Variants in HS6ST3 observed in about 807,000 individuals in gnomAD.
The protein encoded by HS6ST3 is heparan-sulfate 6-O-sulfotransferase 3.
Under a neutral mutation model 36.7 loss-of-function variants are expected in HS6ST3, and 12 were observed. The ratio of observed to expected loss-of-function variants is 0.33; its 90% CI spans 0.21 to 0.53. The LOEUF is 0.53. Ranked by LOEUF, HS6ST3 falls within the 20% of genes least tolerant of loss-of-function variation. HS6ST3 has a pLI of 0.95. For missense variants in HS6ST3, 584 were observed against 640.9 expected (o/e 0.91, Z 0.96); for synonymous variants, 240 against 257.5 (o/e 0.93, Z 0.65).
chr13:96,270,753 G>GA (rs1282417161), intron 1 of HS6ST3, among the ~76,000 whole-genome samples: 3 of 151,728 alleles, frequency 2.0e-5, no homozygotes, highest in Non-Finnish European at 4.4e-5. Flanking sequence ...TGGAGACTGG[G>GA]AAAAAAAAGG....
Position 96,090,815 on chromosome 13 carries a change from T to C in HS6ST3, c.-48T>C. On this transcript the variant is annotated 5_prime_UTR_variant, in exon 1 of 2. Transcript: ENST00000376705. ...CTTCCGAGCGGGCGCCCGTCCGCCCTGCCGCCGCCGCCGCCGCCGCTTCGC... is the reference window on the plus strand; with the variant it reads ...CTTCCGAGCGGGCGCCCGTCCGCCCCGCCGCCGCCGCCGCCGCCGCTTCGC... 7.0e-7 allele frequency: 1 copy of C among 1,431,448 alleles called. No individual in the cohort carries two copies. Among genetic ancestry groups the C allele is most frequent in the Non-Finnish European group, 9.2e-7 (1 of 1,085,024 alleles). 88.7% of individuals were successfully genotyped at this position (1,431,448 alleles called of 1,614,324 possible).
chr13:96,828,591 T>C (rs1003702638), intron 1 of HS6ST3, among the ~76,000 whole-genome samples: 1 of 152,180 alleles, frequency 6.6e-6, no homozygotes, highest in Admixed American at 6.5e-5. Context: ...CAGCTTATTT[T>C]ATCTCCCCAA....
At chr13:96,280,442 G>C (rs770430073) in intron 1 of HS6ST3, among the ~76,000 whole-genome samples, 4 of 152,096 alleles carry the variant, frequency 2.6e-5, no homozygotes, top group Non-Finnish European at 4.4e-5. Flanking sequence ...AACCAATTGA[G>C]TGATTGCCTT....
intron 1 of HS6ST3, among the ~76,000 whole-genome samples, chr13:96,766,149 A>G (rs187413583): frequency 2.6e-5 from 4 of 152,216 alleles, no homozygotes; most frequent in Non-Finnish European, 4.4e-5. Context: ...CTTTACCATT[A>G]CTTACATGAA....
intron 1 of HS6ST3, among the ~76,000 whole-genome samples, chr13:96,621,378 T>A (rs2056494453): frequency 6.6e-6 from 1 of 152,084 alleles, no homozygotes; most frequent in African/African-American, 2.4e-5. Flanking sequence ...AAAATGGCAG[T>A]TTTTTCCTGC....
At chr13:96,167,677 G>A (rs550499943) in intron 1 of HS6ST3, among the ~76,000 whole-genome samples, 6 of 152,310 alleles carry the variant, frequency 3.9e-5, no homozygotes, top group South Asian at 2.1e-4. Context: ...CACTAATGCC[G>A]CATTAATCAT....
chr13:96,163,440 A>T (rs1215518788), intron 1 of HS6ST3, among the ~76,000 whole-genome samples: 1 of 151,960 alleles, frequency 6.6e-6, no homozygotes, highest in African/African-American at 2.4e-5. Flanking sequence ...CGTATTAGCT[A>T]GCATGGTCTC....
chr13:96,720,886 TAAAAGAACA>T (rs1875831384), intron 1 of HS6ST3, among the ~76,000 whole-genome samples: 1 of 152,196 alleles, frequency 6.6e-6, no homozygotes, highest in Non-Finnish European at 1.5e-5. Context: ...AGGGTGTCAT[TAAAAGAACA>T]ATTCACATTA....
At chr13:96,724,615 T>G (rs1176677194) in intron 1 of HS6ST3, among the ~76,000 whole-genome samples, 1 of 152,182 alleles carries the variant, frequency 6.6e-6, no homozygotes, top group Non-Finnish European at 1.5e-5. Flanking sequence ...AGAAATGAAA[T>G]TATAAAATAT....
chr13:96,133,468 G>C (rs754457602), intron 1 of HS6ST3, among the ~76,000 whole-genome samples: 3 of 151,628 alleles, frequency 2.0e-5, no homozygotes, highest in African/African-American at 4.8e-5. Context: ...TGTTGCCCAG[G>C]CAGGAGTGCA....
At chr13:96,300,231 A>G (rs1383077573) in intron 1 of HS6ST3, among the ~76,000 whole-genome samples, 1 of 151,308 alleles carries the variant, frequency 6.6e-6, no homozygotes, top group Non-Finnish European at 1.5e-5. Context: ...TAATTTTTGT[A>G]TTTTTAGTAG....
chr13:96,488,359 C>T (rs2055926780), intron 1 of HS6ST3, among the ~76,000 whole-genome samples: 1 of 152,044 alleles, frequency 6.6e-6, no homozygotes, highest in African/African-American at 2.4e-5. Context: ...TCTTAGGTTG[C>T]CTCTAAGATG....
chr13:96,283,126 G>A (rs2054783739), intron 1 of HS6ST3, among the ~76,000 whole-genome samples: 1 of 152,184 alleles, frequency 6.6e-6, no homozygotes, highest in Admixed American at 6.5e-5. Flanking sequence ...TGATGATGGT[G>A]ATGCAGAGTG....
At chr13:96,162,215 C>G (rs773297154) in intron 1 of HS6ST3, among the ~76,000 whole-genome samples, 1 of 152,076 alleles carries the variant, frequency 6.6e-6, no homozygotes, top group Non-Finnish European at 1.5e-5. Flanking sequence ...ACGTGGTAGA[C>G]GGATTCATAA....
chr13:96,593,037 T>C (rs536742171), intron 1 of HS6ST3, among the ~76,000 whole-genome samples: 130 of 152,196 alleles, frequency 8.5e-4, no homozygotes, highest in Non-Finnish European at 1.3e-3. Flanking sequence ...CCCCTACTTC[T>C]TTCTCTACCT....
intron 1 of HS6ST3, among the ~76,000 whole-genome samples, chr13:96,439,829 C>G (rs1418278470): frequency 6.6e-6 from 1 of 152,314 alleles, no homozygotes; most frequent in African/African-American, 2.4e-5. Context: ...ATAGAAGATT[C>G]TGAATACGAG....
chr13:96,691,540 T>C (rs673896), intron 1 of HS6ST3, among the ~76,000 whole-genome samples: 149,825 of 152,102 alleles, frequency 0.99, 73,829 homozygotes, highest in Middle Eastern at 1. Context: ...AGCTCAGAAA[T>C]CTCTGATCAG....
intron 1 of HS6ST3, among the ~76,000 whole-genome samples, chr13:96,334,900 A>G (rs774319743): frequency 3.9e-5 from 6 of 152,222 alleles, no homozygotes; most frequent in Non-Finnish European, 7.3e-5. Flanking sequence ...ACACATAGGT[A>G]TAAGTTCTTT....
In HS6ST3 at chr13:96,091,191, C is replaced by T. The variant is rs1206472409; in HGVS notation, c.329C>T (p.Pro110Leu). The T allele has an allele frequency of 3.2e-6, 5 of 1,554,490 alleles. No homozygotes were observed. Among genetic ancestry groups the T allele is most frequent in the Admixed American group, 1.9e-5 (1 of 51,404 alleles). ...EGEEEEEEDE[P>L]DPEAPENGSL... is the part of the protein sequence containing the mutation. ...GAGGAAGAGGAGGAGGAAGACGAGC[C>T]GGACCCCGAGGCCCCGGAAAACGGC... Residue 110 changes from proline (P) to leucine (L), a missense_variant, in exon 1 of 2, where the codon CCG (proline) becomes CTG (leucine). By Grantham distance (98) the Pro-to-Leu change is moderately conservative. Around this residue, in one of 3 missense-constraint regions of HS6ST3, gnomAD observed 217 missense variants for 205.4 expected, o/e 1.06. Transcript: ENST00000376705.
Sources: gnomAD v4.1 joint callset for allele counts (sites outside exome capture counted in the v4.1 genomes callset) on GRCh38, gnomAD v4.1.1 for gene constraint, gnomAD v4.1.1 regional missense constraint, MANE v1.5 for transcripts, NCBI Gene and HGNC (gene_info 2026-07-23, HGNC 2026-07-21) for gene names.